Variants in SORCS1 observed in about 807,000 individuals in gnomAD.
SORCS1 encodes the protein VPS10 domain-containing receptor SorCS1.
In SORCS1, 60 loss-of-function variants were observed where a neutral mutation model predicts 146.1. That is an observed-to-expected ratio of 0.41 (90% CI 0.33 to 0.51). The LOEUF (loss-of-function observed/expected upper bound fraction) is 0.51. SORCS1 is among the 20% of genes least tolerant of loss of function. The probability of loss-of-function intolerance (pLI) is 0.21; values close to 1 mark genes in which losing one functional copy is unlikely to be tolerated. For synonymous variants in SORCS1, 637 were observed against 584.0 expected, an observed-to-expected ratio of 1.09 and a Z score of -1.31; for missense variants, 1,352 against 1,487.6, an observed-to-expected ratio of 0.91 and a Z score of 1.50.
chr10:107,071,089 G>A lies in SORCS1; in HGVS notation c.558+92880C>T, dbSNP rs60950834. Among the ~76,000 whole-genome samples the A allele has an allele frequency of 5.8e-3, 887 of 152,166 alleles. 20 individuals carry two copies. The highest frequency in any genetic ancestry group is 0.021 in the African/African-American group (855 of 41,508). On this transcript the variant is annotated intron_variant, in intron 1 of 25. Coordinates refer to ENST00000263054, the MANE Select transcript of SORCS1 (RefSeq NM_052918.5). ...TAAGGCTGGGCACACGACAGTGACCGGCAGGAGTCAGAGTCACAGTCCATA... is the reference window on the plus strand; with the variant it reads ...TAAGGCTGGGCACACGACAGTGACCAGCAGGAGTCAGAGTCACAGTCCATA...
chr10:107,163,339 T>C (rs1372561078), intron 1 of SORCS1, among the ~76,000 whole-genome samples: 2 of 152,186 alleles, frequency 1.3e-5, no homozygotes, highest in Non-Finnish European at 2.9e-5. Context: ...AAGCCCCAGT[T>C]CTCAAAACAC....
At chr10:106,880,783 G>A (rs907452224) in intron 2 of SORCS1, among the ~76,000 whole-genome samples, 2 of 152,058 alleles carry the variant, frequency 1.3e-5, no homozygotes, top group African/African-American at 4.8e-5. Context: ...GAAACAAGCA[G>A]TAGGCCATTT....
chr10:107,044,694 G>T (rs1959218934), intron 1 of SORCS1, among the ~76,000 whole-genome samples: 1 of 150,604 alleles, frequency 6.6e-6, no homozygotes, highest in African/African-American at 2.4e-5. Flanking sequence ...GTTGTGGCGG[G>T]CGTCTGTAGT....
In SORCS1 at chr10:106,844,755, C is replaced by G. The variant is rs867139475; in HGVS notation, c.627-15082G>C. 4.4e-3 allele frequency among the ~76,000 whole-genome samples: 568 copies of G among 127,766 alleles called. 7 individuals carry two copies. The highest frequency in any genetic ancestry group is 0.013 in the African/African-American group (449 of 34,178). 83.8% of individuals were successfully genotyped at this position (127,766 alleles called of 152,430 possible). A position where few individuals can be genotyped will look rare whatever the true frequency, so the allele number is the denominator to read the frequency against. ...CCTCCCCCCTCCCCACCACAGTCCC[C>G]AGAGTGTGATATTCCCCTTCCTGTG... is the stretch of plus-strand genomic sequence containing the variant. On this transcript the variant is annotated intron_variant, in intron 2 of 25. Transcript: ENST00000263054.
intron 1 of SORCS1, among the ~76,000 whole-genome samples, chr10:106,972,509 A>T (rs534814119): frequency 6.6e-6 from 1 of 151,552 alleles, no homozygotes; most frequent in East Asian, 1.9e-4. Context: ...ACTATCCTTT[A>T]CAGCAATATG....
intron 13 of SORCS1, among the ~76,000 whole-genome samples, chr10:106,675,386 C>CATT (rs1338228994): frequency 3.3e-5 from 5 of 152,144 alleles, no homozygotes; most frequent in Non-Finnish European, 7.3e-5. Context: ...AGCAGAGCTA[C>CATT]ATTAAATGAG....
At chr10:106,971,861 A>C (rs1046685414) in intron 1 of SORCS1, among the ~76,000 whole-genome samples, 1 of 152,140 alleles carries the variant, frequency 6.6e-6, no homozygotes, top group Non-Finnish European at 1.5e-5. Context: ...TCTGAATTCC[A>C]GATTTTTCAG....
At chr10:106,888,354 T>C (rs1401344420) in intron 2 of SORCS1, among the ~76,000 whole-genome samples, 1 of 152,192 alleles carries the variant, frequency 6.6e-6, no homozygotes, top group Non-Finnish European at 1.5e-5. Context: ...TTAAGGAGGT[T>C]CGTGCCTTTA....
At position 106,896,896 on chromosome 10, in the gene SORCS1, T is replaced by G. The variant is rs552203256; in HGVS notation, c.626+59617A>C. On this transcript the variant is annotated intron_variant, in intron 2 of 25. Transcript: ENST00000263054. Reference sequence around the variant, plus strand: ...ATCTATGCACCAAATACTGTTTTTTTTTTTTTTTTTTTGAGATGGAGTCTT... The same window carrying G: ...ATCTATGCACCAAATACTGTTTTTTGTTTTTTTTTTTTGAGATGGAGTCTT... Among the ~76,000 whole-genome samples, 11 of 148,562 alleles carry G rather than the reference T, an allele frequency of 7.4e-5. No homozygotes were observed. In the East Asian group the frequency reaches 1.8e-3, roughly 24 times the overall value.
chr10:106,989,387 T>C (rs1326866174), intron 1 of SORCS1, among the ~76,000 whole-genome samples: 1 of 151,624 alleles, frequency 6.6e-6, no homozygotes, highest in Non-Finnish European at 1.5e-5. Context: ...CTAACAGCAG[T>C]AAACTTGATG....
intron 22 of SORCS1, among the ~76,000 whole-genome samples, chr10:106,607,745 C>T (rs1846705814): frequency 1.3e-5 from 2 of 152,160 alleles, no homozygotes; most frequent in South Asian, 2.1e-4. Flanking sequence ...ACTTTATCAT[C>T]TGCCCCTCAT....
intron 18 of SORCS1, among the ~76,000 whole-genome samples, chr10:106,631,708 A>G (rs1027365776): frequency 9.2e-5 from 14 of 152,128 alleles, no homozygotes; most frequent in Non-Finnish European, 1.5e-4. Context: ...CCTTCAGTCA[A>G]CTCTACTTCA....
At chr10:106,995,175 G>A (rs570142630) in intron 1 of SORCS1, among the ~76,000 whole-genome samples, 169 of 152,088 alleles carry the variant, frequency 1.1e-3, no homozygotes, top group Non-Finnish European at 1.5e-3. Context: ...TTAGCTGGGC[G>A]TGGTGGCGGG....
At chr10:107,170,919 G>C in the SORCS1 span, among the ~76,000 whole-genome samples, 5 of 152,158 alleles carry the variant, frequency 3.3e-5, no homozygotes, top group Non-Finnish European at 5.9e-5. Flanking sequence ...AAACTTGAAA[G>C]TCAAAATCCT....
At chr10:106,962,923 C>T (rs924867501) in intron 1 of SORCS1, among the ~76,000 whole-genome samples, 1 of 152,120 alleles carries the variant, frequency 6.6e-6, no homozygotes, top group African/African-American at 2.4e-5. Context: ...ATTGTCCAAG[C>T]TCCGATAGCT....
chr10:106,728,993 T>A (rs754626357), intron 6 of SORCS1, among the ~76,000 whole-genome samples: 1 of 152,188 alleles, frequency 6.6e-6, no homozygotes, highest in African/African-American at 2.4e-5. Flanking sequence ...CATTTTCTTT[T>A]ACCCCCTCAC....
chr10:106,677,319 T>G lies in SORCS1; in HGVS notation c.1826A>C (p.His609Pro). 6.2e-7 allele frequency: 1 copy of G among 1,613,878 alleles called. No individual in the cohort carries two copies. Among genetic ancestry groups the G allele is most frequent in the Non-Finnish European group, 8.5e-7 (1 of 1,179,792 alleles). Reference protein sequence around the residue: ...AMKHTSLPIRHLWLSFDEGRS... With the variant: ...AMKHTSLPIRPLWLSFDEGRS... Reference sequence around the variant, plus strand: ...AGGCAGCATGTGCCCTTACCAAAGATGTCGAATTGGGAGAGATGTGTGTTT... The same window carrying G: ...AGGCAGCATGTGCCCTTACCAAAGAGGTCGAATTGGGAGAGATGTGTGTTT... The change falls in exon 13 of 26, where the codon CAT (histidine) becomes CCT (proline). Residue 609 changes from histidine to proline, a missense_variant. His to Pro is a moderately conservative substitution (Grantham distance 77). Transcript: ENST00000263054.
chr10:106,759,489 A>C (rs1858913284), intron 5 of SORCS1, among the ~76,000 whole-genome samples: 2 of 152,214 alleles, frequency 1.3e-5, no homozygotes, highest in African/African-American at 4.8e-5. Context: ...GGCAGGAGGT[A>C]GGATGTACAT....
intron 25 of SORCS1, 134 bp downstream of exon 25, chr10:106,579,235 T>G (rs763916904): frequency 5.6e-6 from 9 of 1,613,970 alleles, no homozygotes; most frequent in Non-Finnish European, 7.6e-6. Context: ...GCATAAACAT[T>G]AATCCCCGGG....
Sources: gnomAD v4.1 joint callset for allele counts (sites outside exome capture counted in the v4.1 genomes callset) on GRCh38, gnomAD v4.1.1 for gene constraint, MANE v1.5 for transcripts, NCBI Gene and HGNC (gene_info 2026-07-23, HGNC 2026-07-21) for gene names.